Variants in ZNF366 observed in about 807,000 individuals in gnomAD.
ZNF366 encodes the protein zinc finger protein 366.
A neutral mutation model predicts 47.2 loss-of-function variants in ZNF366; 20 were observed. The ratio of observed to expected loss-of-function variants is 0.42; its 90% confidence interval spans 0.30 to 0.62. ZNF366 has a LOEUF of 0.62. ZNF366 is among the 20% of genes least tolerant of loss of function. The probability of loss-of-function intolerance (pLI) is 0.16; values close to 1 mark genes in which losing one functional copy is unlikely to be tolerated. For missense variants in ZNF366, 987 were observed against 976.3 expected (o/e 1.01, Z -0.15); for synonymous variants, 421 against 395.1 (o/e 1.07, Z -0.78).
rs183824990 is a variant in ZNF366, at chr5:72,490,560, G to A, written c.-15+16691C>T. Among the ~76,000 whole-genome samples the A allele has an allele frequency of 7.2e-5, 11 of 152,272 alleles. No homozygotes were observed. The East Asian group carries it at 7.7e-4, about 11-fold the overall frequency. Reference sequence around the variant, plus strand: ...TTCATGAGATTTGTACTTAGCTTTCGTGGAGGCATGGGCACTGTGCTGGGC... The same window carrying A: ...TTCATGAGATTTGTACTTAGCTTTCATGGAGGCATGGGCACTGTGCTGGGC... On this transcript the variant is annotated intron_variant, in intron 1 of 4. Transcript: ENST00000318442.
Position 72,460,415 on chromosome 5 carries a change from C to T in ZNF366, c.1082G>A (p.Ser361Asn), listed in dbSNP as rs138915855. The change falls in exon 2 of 5, where the codon AGT (serine) becomes AAT (asparagine). Residue 361 changes from serine (S) to asparagine (N), a missense_variant. Physicochemically the swap from Ser to Asn is conservative, Grantham distance 46. Coordinates refer to ENST00000318442, the MANE Select transcript of ZNF366 (RefSeq NM_152625.3). ...ELKAHEAKHASGRENICVECG... is the reference protein window; with the variant it reads ...ELKAHEAKHANGRENICVECG... Reference sequence around the variant, plus strand: ...CTCCACACAGATGTTCTCGCGCCCACTGGCGTGCTTGGCTTCGTGGGCCTT... The same window carrying T: ...CTCCACACAGATGTTCTCGCGCCCATTGGCGTGCTTGGCTTCGTGGGCCTT... The T allele has an allele frequency of 2.0e-5, 32 of 1,614,246 alleles. No individual in the cohort carries two copies. Among genetic ancestry groups the T allele is most frequent in the Non-Finnish European group, 2.5e-5 (30 of 1,180,044 alleles).
At chr5:72,447,037 G>A (rs1300998747) in intron 4 of ZNF366, among the ~76,000 whole-genome samples, 1 of 152,202 alleles carries the variant, frequency 6.6e-6, no homozygotes, top group East Asian at 1.9e-4. Flanking sequence ...GCATCATGAT[G>A]ATAGTCCAAT....
In ZNF366 at chr5:72,460,620, G is replaced by A. The variant is rs773713314; in HGVS notation, c.877C>T (p.Leu293Phe). 3 of 1,614,188 alleles carry A rather than the reference G, an allele frequency of 1.9e-6. No individual in the cohort carries two copies. Among genetic ancestry groups the A allele is most frequent in the Non-Finnish European group, 2.5e-6 (3 of 1,180,046 alleles). Residue 293 changes from leucine to phenylalanine, a missense_variant, in exon 2 of 5, where the codon CTC becomes TTC. Coordinates refer to ENST00000318442, the MANE Select transcript of ZNF366 (RefSeq NM_152625.3). Reference protein sequence around the residue: ...CTHCGKLFKQLSHLHTHMLTH... With the variant: ...CTHCGKLFKQFSHLHTHMLTH... ...AGCATGTGGGTATGCAGGTGGCTGA[G>A]CTGCTTGAAGAGCTTCCCGCAGTGC...
intron 1 of ZNF366, among the ~76,000 whole-genome samples, chr5:72,476,712 T>C (rs1023365561): frequency 3.3e-5 from 5 of 151,910 alleles, no homozygotes; most frequent in African/African-American, 1.2e-4. Flanking sequence ...CAGTGGGGAG[T>C]GCTCACAGGT....
At chr5:72,461,631 AC>A in intron 1 of ZNF366, 121 bp from the exon 2 acceptor site, 1 of 1,297,098 alleles carries the variant, frequency 7.7e-7, no homozygotes, top group East Asian at 2.3e-5. Flanking sequence ...CTTAATATGG[AC>A]CCTCATTTAT....
chr5:72,475,109 C>T lies in ZNF366; in HGVS notation c.-14-13599G>A, dbSNP rs531191101. On this transcript the variant is annotated intron_variant, in intron 1 of 4. Transcript: ENST00000318442. ...TCAATGTTGCTTACTGAGAACTCCA[C>T]CCTGGAGTCTTGAGAAGAAAGGCCA... 3.3e-5 allele frequency among the ~76,000 whole-genome samples: 5 copies of T among 152,262 alleles called. No individual in the cohort carries two copies. The South Asian group carries it at 1.0e-3, about 32-fold the overall frequency.
rs751929154 is a variant in ZNF366 at position 72,456,827 on chromosome 5, G to A, written c.1333-232C>T. On this transcript the variant is annotated intron_variant, in intron 2 of 4. Coordinates refer to ENST00000318442, the MANE Select transcript of ZNF366 (RefSeq NM_152625.3). ...ACCATAAACTAGCCAGACTATTAGAGGAAAAGAAAGCTCTTGCTTTTGTTG... is the reference window on the plus strand; with the variant it reads ...ACCATAAACTAGCCAGACTATTAGAAGAAAAGAAAGCTCTTGCTTTTGTTG... Among the ~76,000 whole-genome samples, 4 of 152,094 alleles carry A rather than the reference G, an allele frequency of 2.6e-5. 1 individual carries two copies. The highest frequency in any genetic ancestry group is 5.9e-5 in the Non-Finnish European group (4 of 68,014).
At chr5:72,474,759 T>G (rs1452579654) in intron 1 of ZNF366, among the ~76,000 whole-genome samples, 1 of 152,090 alleles carries the variant, frequency 6.6e-6, no homozygotes, top group Non-Finnish European at 1.5e-5. Flanking sequence ...GGGGTTCCCT[T>G]CAAAGATATA....
At chr5:72,491,216 G>A (rs1744001753) in intron 1 of ZNF366, among the ~76,000 whole-genome samples, 1 of 152,232 alleles carries the variant, frequency 6.6e-6, no homozygotes, top group African/African-American at 2.4e-5. Flanking sequence ...CCCACAAAAG[G>A]GGTGTACGTG....
At chr5:72,491,145 T>G (rs1326757376) in intron 1 of ZNF366, among the ~76,000 whole-genome samples, 1 of 152,196 alleles carries the variant, frequency 6.6e-6, no homozygotes, top group Non-Finnish European at 1.5e-5. Context: ...CTCCTAGACA[T>G]TCCTTGATAG....
At chr5:72,503,863 T>C (rs2112360366) in intron 1 of ZNF366, among the ~76,000 whole-genome samples, 1 of 152,354 alleles carries the variant, frequency 6.6e-6, no homozygotes, top group South Asian at 2.1e-4. Flanking sequence ...GCTTTGGTTA[T>C]TGGTGGTAGA....
chr5:72,464,593 T>C (rs892761207), intron 1 of ZNF366, among the ~76,000 whole-genome samples: 1 of 152,144 alleles, frequency 6.6e-6, no homozygotes, highest in Middle Eastern at 3.2e-3. Context: ...AATGGCACAA[T>C]TATGTCCCCA....
chr5:72,504,309 C>T (rs1426712279), intron 1 of ZNF366, among the ~76,000 whole-genome samples: 1 of 151,998 alleles, frequency 6.6e-6, no homozygotes, highest in African/African-American at 2.4e-5. Context: ...GTGTCTCCAG[C>T]CCTCCACAAC....
At chr5:72,459,881 GCATCCTTCCT>G (rs1436301479) in intron 2 of ZNF366, among the ~76,000 whole-genome samples, 1 of 152,212 alleles carries the variant, frequency 6.6e-6, no homozygotes, top group Non-Finnish European at 1.5e-5. Flanking sequence ...AGGCTAGGGA[GCATCCTTCCT>G]CATCTCCTCT....
At chr5:72,497,968 A>G (rs1236181633) in intron 1 of ZNF366, among the ~76,000 whole-genome samples, 2 of 152,164 alleles carry the variant, frequency 1.3e-5, no homozygotes, top group Admixed American at 6.5e-5. Flanking sequence ...TCTTTGTGAT[A>G]CATGTTGCAA....
chr5:72,505,745 G>A (rs1361940541), intron 1 of ZNF366, among the ~76,000 whole-genome samples: 1 of 152,220 alleles, frequency 6.6e-6, no homozygotes, highest in African/African-American at 2.4e-5. Flanking sequence ...GCTGATAAAT[G>A]ATGCAATAAT....
At chr5:72,501,424 A>G (rs1744207987) in intron 1 of ZNF366, among the ~76,000 whole-genome samples, 1 of 152,200 alleles carries the variant, frequency 6.6e-6, no homozygotes, top group Non-Finnish European at 1.5e-5. Context: ...TTAAATGTAA[A>G]AAGCATCATC....
At chr5:72,494,961 G>A (rs904310576) in intron 1 of ZNF366, among the ~76,000 whole-genome samples, 2 of 152,102 alleles carry the variant, frequency 1.3e-5, no homozygotes, top group African/African-American at 2.4e-5. Flanking sequence ...CCCGCATAAT[G>A]TCACAATCTT....
At chr5:72,458,641 T>C (rs1743240463) in intron 2 of ZNF366, among the ~76,000 whole-genome samples, 1 of 152,324 alleles carries the variant, frequency 6.6e-6, no homozygotes, top group Admixed American at 6.5e-5. Flanking sequence ...CACAGGTGCC[T>C]GTGTCAGAGA....
Sources: allele counts gnomAD v4.1 joint callset (sites outside exome capture counted in the v4.1 genomes callset), GRCh38; gene constraint gnomAD v4.1.1; transcripts MANE v1.5; gene names NCBI Gene and HGNC (gene_info 2026-07-23, HGNC 2026-07-21).